TAF4: variants seen among roughly 807,000 people sequenced by gnomAD.
TAF4 encodes transcription initiation factor TFIID subunit 4.
In TAF4, 9 loss-of-function variants were observed where a neutral mutation model predicts 90.3. The observed-to-expected ratio is 0.10, with a 90% CI of 0.06 to 0.17. The LOEUF is 0.17. Ranked by LOEUF, TAF4 falls within the 10% of genes least tolerant of loss-of-function variation. The pLI is 1.00. For missense variants in TAF4, 1,351 were observed against 1,370.7 expected (o/e 0.99, Z 0.23); for synonymous variants, 818 against 638.9 (o/e 1.28, Z -4.23).
At chr20:62,051,986 C>G (rs1023691941) in intron 1 of TAF4, among the ~76,000 whole-genome samples, 7 of 152,162 alleles carry the variant, frequency 4.6e-5, no homozygotes, top group Admixed American at 1.3e-4. Flanking sequence ...ACGACCAAAC[C>G]CCTGCAGGGC....
intron 4 of TAF4, among the ~76,000 whole-genome samples, chr20:62,009,447 C>G (rs368666677): frequency 3.9e-5 from 6 of 152,354 alleles, no homozygotes; most frequent in Admixed American, 3.3e-4. Flanking sequence ...AAAAGAGACT[C>G]TGCGAAGATG....
chr20:62,043,501 G>C (rs373755638), intron 1 of TAF4, among the ~76,000 whole-genome samples: 1 of 152,120 alleles, frequency 6.6e-6, no homozygotes, highest in South Asian at 2.1e-4. Flanking sequence ...CATACCCTAA[G>C]CATAGAGTGC....
At chr20:61,985,459 G>A (rs146546377) in intron 14 of TAF4, among the ~76,000 whole-genome samples, 1 of 152,054 alleles carries the variant, frequency 6.6e-6, no homozygotes, top group East Asian at 1.9e-4. Context: ...AAAATGAAAG[G>A]ATAAACAAGA....
rs763209430 is a variant in TAF4, at chr20:62,009,061, C to G, written c.1875G>C (p.Gln625His). Residue 625 changes from glutamine to histidine, a missense_variant, in exon 5 of 15, where the codon CAG becomes CAC. This residue lies in a region of TAF4 where 44 missense variants were observed against 97.4 expected (regional missense o/e 0.45). Coordinates refer to ENST00000252996, the MANE Select transcript of TAF4 (RefSeq NM_003185.4). ...AGTCAAGGTTTCTCACCAGTAAATT[C>G]TGCACGAGCTCTTTCACATTAGCTG... ...ETAANVKELV[Q>H]NLLDGKIEAE... 7 of 1,612,732 alleles carry G rather than the reference C, an allele frequency of 4.3e-6. No homozygotes were observed. In the East Asian group the frequency reaches 1.1e-4, roughly 26 times the overall value.
At chr20:61,996,214 A>G (rs1230376739) in intron 14 of TAF4, among the ~76,000 whole-genome samples, 1 of 152,120 alleles carries the variant, frequency 6.6e-6, no homozygotes, top group Non-Finnish European at 1.5e-5. Context: ...TCTCTACGAA[A>G]AAAAAAGAAA....
intron 1 of TAF4, among the ~76,000 whole-genome samples, chr20:62,049,230 G>T (rs551689755): frequency 6.6e-6 from 1 of 152,146 alleles, no homozygotes; most frequent in East Asian, 1.9e-4. Flanking sequence ...AGGATGTGCC[G>T]AGACCCTGCA....
intron 1 of TAF4, among the ~76,000 whole-genome samples, chr20:62,034,705 T>G (rs1359588093): frequency 6.6e-6 from 1 of 152,146 alleles, no homozygotes; most frequent in East Asian, 1.9e-4. Context: ...TACACATATC[T>G]AACAAAATAT....
At chr20:62,059,538 C>A (rs556520556) in intron 1 of TAF4, among the ~76,000 whole-genome samples, 2 of 152,352 alleles carry the variant, frequency 1.3e-5, no homozygotes, top group Admixed American at 1.3e-4. Context: ...CGCAGGCCCA[C>A]CTGGAAGCAG....
intron 1 of TAF4, 90 bp downstream of exon 1, chr20:62,064,361 C>G: frequency 2.4e-6 from 3 of 1,259,092 alleles, no homozygotes; most frequent in Non-Finnish European, 3.0e-6. Flanking sequence ...GACAGATGAC[C>G]TTAGCATTCC....
intron 1 of TAF4, among the ~76,000 whole-genome samples, chr20:62,053,871 G>A (rs1362437208): frequency 6.6e-6 from 1 of 152,236 alleles, no homozygotes; most frequent in Non-Finnish European, 1.5e-5. Flanking sequence ...AGGGCCTTAA[G>A]ACCAGGAGTG....
At position 62,051,280 on chromosome 20, in the gene TAF4, T is replaced by C. The variant is rs115152778; in HGVS notation, c.1360+13171A>G. On this transcript the variant is annotated intron_variant, in intron 1 of 14. Coordinates refer to ENST00000252996, the MANE Select transcript of TAF4 (RefSeq NM_003185.4). ...GTCACAGAGGCCCCTTCCTGCCCAC[T>C]GGCCAGACACCCAGGGTGCTCAGCT... Among the ~76,000 whole-genome samples the C allele has an allele frequency of 7.4e-3, 1,123 of 152,240 alleles. 13 individuals are homozygous for C. The highest frequency in any genetic ancestry group is 0.026 in the African/African-American group (1,072 of 41,556).
Position 62,012,963 on chromosome 20 carries a change from G to A in TAF4, c.1522-29C>T, listed in dbSNP as rs28382052. 1,393 of 1,610,472 alleles carry A rather than the reference G, an allele frequency of 8.6e-4. 7 individuals are homozygous for A. In the Middle Eastern group the frequency reaches 9.4e-3, roughly 11 times the overall value. ...AAAAATAAGCAGAGTCACCTAAAAC[G>A]AGCGCAAGTAAAAGGAATTCCCACC... is the stretch of plus-strand genomic sequence containing the variant. On this transcript the variant is annotated intron_variant, in intron 2 of 14. Transcript: ENST00000252996.
chr20:62,010,185 C>A lies in TAF4; in HGVS notation c.1642-20G>T. ...CTGAGGCTACAAGAATCCAAAAACA[C>A]AAGGTAAGGGCATCTCACGCCACCA... On this transcript the variant is annotated intron_variant, in intron 3 of 14. Coordinates refer to ENST00000252996, the MANE Select transcript of TAF4 (RefSeq NM_003185.4). This position sits in a 1 kb window ranked among gnomAD's most constrained non-coding sequence, Gnocchi z 4.5. 6.2e-7 allele frequency: 1 copy of A among 1,613,600 alleles called. No homozygotes were observed. Among genetic ancestry groups the A allele is most frequent in the Non-Finnish European group, 8.5e-7 (1 of 1,180,024 alleles).
At chr20:62,063,023 G>A (rs896184074) in intron 1 of TAF4, among the ~76,000 whole-genome samples, 7 of 152,168 alleles carry the variant, frequency 4.6e-5, no homozygotes. Flanking sequence ...CCTACTAAAA[G>A]GTCAACATAC....
intron 1 of TAF4, among the ~76,000 whole-genome samples, chr20:62,032,872 C>T (rs771364682): frequency 5.3e-5 from 8 of 152,246 alleles, no homozygotes; most frequent in East Asian, 3.9e-4. Context: ...CTAGAGCTTC[C>T]GATCAATCCG....
At chr20:61,978,631 A>AGACGAACCAAGGCCGAGGGCG (rs2055512939) in intron 14 of TAF4, among the ~76,000 whole-genome samples, 1 of 100,960 alleles carries the variant, frequency 9.9e-6, no homozygotes, top group East Asian at 2.8e-4. Context: ...GGCCGGGGGC[A>AGACGAACCAAGGCCGAGGGCG]AGACGAACCA....
Position 62,010,505 on chromosome 20 carries a change from GC to G in TAF4, c.1642-341del, listed in dbSNP as rs1172438779. ...AGACCAGAGTAAATAATCCTAACAG[GC>G]AACCCAGATCCCCATCTCTCAGAAA... is the stretch of plus-strand genomic sequence containing the variant. On this transcript the variant is annotated intron_variant, in intron 3 of 14. Coordinates refer to ENST00000252996, the MANE Select transcript of TAF4 (RefSeq NM_003185.4). This position sits in a 1 kb window ranked among gnomAD's most constrained non-coding sequence, Gnocchi z 4.5. Among the ~76,000 whole-genome samples the G allele has an allele frequency of 6.6e-6, 1 of 152,038 alleles. No individual in the cohort carries two copies.
intron 14 of TAF4, among the ~76,000 whole-genome samples, chr20:61,986,111 A>C (rs111990819): frequency 1.1e-5 from 1 of 91,772 alleles, no homozygotes; most frequent in South Asian, 4.3e-4. Context: ...CACCATCCCC[A>C]ACCAAAGGAA....
At chr20:62,058,223 C>T (rs113067597) in intron 1 of TAF4, among the ~76,000 whole-genome samples, 1 of 280 alleles carries the variant, frequency 3.6e-3, no homozygotes, top group Admixed American at 0.024. Context: ...CGGACACAGG[C>T]CTACACACCA....
Sources: gnomAD v4.1 joint callset for allele counts (sites outside exome capture counted in the v4.1 genomes callset) on GRCh38, gnomAD v4.1.1 for gene constraint, gnomAD v4.1.1 regional missense constraint, Gnocchi (gnomAD v3.1) non-coding constraint, MANE v1.5 for transcripts, NCBI Gene and HGNC (gene_info 2026-07-23, HGNC 2026-07-21) for gene names.